Variants in RPF1 observed in about 807,000 individuals in gnomAD.
The protein encoded by RPF1 is ribosome production factor 1 homolog.
A neutral mutation model predicts 41.9 loss-of-function variants in RPF1; 34 were observed. The observed-to-expected ratio is 0.81, with a 90% confidence interval of 0.62 to 1.08. The LOEUF is 1.08. Among genes scored for constraint, RPF1 ranks in the 50% least tolerant of loss-of-function variants. RPF1 has a pLI of 0.00. For missense variants in RPF1, 425 were observed against 435.2 expected, an observed-to-expected ratio of 0.98 and a Z score of 0.21; for synonymous variants, 140 against 148.9, an observed-to-expected ratio of 0.94 and a Z score of 0.43.
chr1:84,480,835 A>G (rs747618935), intron 1 of RPF1, 121 bp from the exon 2 acceptor site: 7 of 563,086 alleles, frequency 1.2e-5, no homozygotes, highest in East Asian at 8.6e-5. Flanking sequence ...GCTTATTTCA[A>G]TAGATTACAA....
intron 3 of RPF1, among the ~76,000 whole-genome samples, chr1:84,484,288 A>G (rs1300349929): frequency 6.6e-6 from 1 of 152,188 alleles, no homozygotes; most frequent in Non-Finnish European, 1.5e-5. Flanking sequence ...AGTGGCAGAC[A>G]TGGCGCCCCT....
chr1:84,479,335 G>T lies in RPF1; in HGVS notation c.54G>T (p.Arg18=), dbSNP rs1291705983. ...SSSSGKKSLK[R]KAAAEELQEA... is the part of the protein sequence containing the mutation. ...GCAGCGGGAAGAAAAGTCTAAAACG[G>T]AAAGCCGCTGCCGAAGAACTTCAGG... Residue 18 remains arginine, a synonymous_variant, in exon 1 of 9, where the codon CGG becomes CGT. Coordinates refer to ENST00000370654, the MANE Select transcript of RPF1 (RefSeq NM_025065.7). The T allele has an allele frequency of 6.2e-7, 1 of 1,612,462 alleles. No individual in the cohort carries two copies. The highest frequency in any genetic ancestry group is 2.2e-5 in the East Asian group (1 of 44,862).
chr1:84,494,391 C>G (rs1220533299), intron 5 of RPF1, among the ~76,000 whole-genome samples: 10 of 152,186 alleles, frequency 6.6e-5, no homozygotes, highest in Admixed American at 6.5e-4. Flanking sequence ...TTGAAAGATA[C>G]ATATTAAATG....
Sources: allele counts gnomAD v4.1 joint callset (sites outside exome capture counted in the v4.1 genomes callset), GRCh38; gene constraint gnomAD v4.1.1; transcripts MANE v1.5; gene names NCBI Gene and HGNC (gene_info 2026-07-23, HGNC 2026-07-21).